Variants in BMPR1B observed in about 807,000 individuals in gnomAD.
BMPR1B encodes bone morphogenetic protein receptor type 1B.
In BMPR1B, 12 loss-of-function variants were observed where a neutral mutation model predicts 59.1. That is an observed-to-expected ratio of 0.20 (90% CI 0.13 to 0.33). The LOEUF (loss-of-function observed/expected upper bound fraction) is 0.33, where lower values mean the gene tolerates loss of function less well. Among genes scored for constraint, BMPR1B ranks in the 10% least tolerant of loss-of-function variants. The probability of loss-of-function intolerance (pLI) is 1.00; values close to 1 mark genes in which losing one functional copy is unlikely to be tolerated. For synonymous variants in BMPR1B, 237 were observed against 207.3 expected, an observed-to-expected ratio of 1.14 and a Z score of -1.23; for missense variants, 550 against 610.9, an observed-to-expected ratio of 0.90 and a Z score of 1.05.
At chr4:94,940,459 C>T (rs778503830) in intron 2 of BMPR1B, among the ~76,000 whole-genome samples, 43 of 152,104 alleles carry the variant, frequency 2.8e-4, no homozygotes, top group Non-Finnish European at 6.2e-4. Flanking sequence ...TGACACAGTC[C>T]TTGGGGATTA....
At chr4:94,799,026 T>G (rs1723296778) in intron 1 of BMPR1B, among the ~76,000 whole-genome samples, 1 of 151,186 alleles carries the variant, frequency 6.6e-6, no homozygotes, top group African/African-American at 2.4e-5. Context: ...ATCCCAGGAG[T>G]GCGTTAGTGT....
chr4:95,132,975 T>C (rs1304755025), intron 10 of BMPR1B, among the ~76,000 whole-genome samples: 1 of 152,176 alleles, frequency 6.6e-6, no homozygotes, highest in Non-Finnish European at 1.5e-5. Context: ...CTGGCTCTGC[T>C]CTCTTTTTAC....
At chr4:94,901,417 T>G (rs1727805009) in intron 2 of BMPR1B, among the ~76,000 whole-genome samples, 1 of 151,920 alleles carries the variant, frequency 6.6e-6, no homozygotes, top group South Asian at 2.1e-4. Flanking sequence ...CCTAAAATAT[T>G]GTTAGATCTT....
intron 2 of BMPR1B, among the ~76,000 whole-genome samples, chr4:94,968,634 G>T (rs1272342022): frequency 2.0e-5 from 3 of 152,072 alleles, no homozygotes; most frequent in Non-Finnish European, 4.4e-5. Flanking sequence ...ACTTTCCAAG[G>T]CAGGTGGCAG....
At chr4:95,110,746 G>A (rs1178034788) in intron 4 of BMPR1B, among the ~76,000 whole-genome samples, 1 of 152,118 alleles carries the variant, frequency 6.6e-6, no homozygotes, top group African/African-American at 2.4e-5. Context: ...GGTGGCCTTC[G>A]TAGACTATGA....
At chr4:94,806,609 AT>A (rs1340720402) in intron 1 of BMPR1B, among the ~76,000 whole-genome samples, 2 of 152,124 alleles carry the variant, frequency 1.3e-5, no homozygotes, top group East Asian at 3.9e-4. Flanking sequence ...TTTCCCTTTT[AT>A]TGTGTTACTG....
chr4:94,948,646 T>C (rs1232252527), intron 2 of BMPR1B, among the ~76,000 whole-genome samples: 1 of 152,204 alleles, frequency 6.6e-6, no homozygotes, highest in African/African-American at 2.4e-5. Flanking sequence ...GTTTCTCTTA[T>C]TGAACTGTAC....
intron 1 of BMPR1B, among the ~76,000 whole-genome samples, chr4:94,872,697 G>T (rs1234380744): frequency 2.0e-5 from 3 of 152,170 alleles, no homozygotes; most frequent in African/African-American, 7.2e-5. Flanking sequence ...CAGCCTGGGT[G>T]ACTGAGCTAG....
At chr4:95,147,359 G>A (rs1426329368) in intron 10 of BMPR1B, among the ~76,000 whole-genome samples, 1 of 152,160 alleles carries the variant, frequency 6.6e-6, no homozygotes, top group Admixed American at 6.5e-5. Context: ...ATGACACCAT[G>A]TATTTCATGT....
chr4:94,846,990 A>T (rs1349795488), intron 1 of BMPR1B, among the ~76,000 whole-genome samples: 1 of 152,198 alleles, frequency 6.6e-6, no homozygotes, highest in Non-Finnish European at 1.5e-5. Flanking sequence ...CTGTAAAAGA[A>T]AGTCAACAAA....
intron 3 of BMPR1B, among the ~76,000 whole-genome samples, chr4:95,033,843 T>C (rs1428770019): frequency 6.6e-6 from 1 of 152,096 alleles, no homozygotes; most frequent in Non-Finnish European, 1.5e-5. Context: ...TGAAAGACAG[T>C]CACTCCCTCC....
intron 2 of BMPR1B, among the ~76,000 whole-genome samples, chr4:94,981,261 T>C (rs1721068236): frequency 6.6e-6 from 1 of 151,922 alleles, no homozygotes; most frequent in Non-Finnish European, 1.5e-5. Context: ...TGGAGTGCAG[T>C]GGCGCAATCA....
chr4:94,962,685 T>C (rs1334708051), intron 2 of BMPR1B, among the ~76,000 whole-genome samples: 2 of 152,216 alleles, frequency 1.3e-5, no homozygotes, highest in African/African-American at 4.8e-5. Context: ...CTGAATAATA[T>C]TCCATTGTGT....
At chr4:94,889,168 T>C (rs1283888652) in intron 2 of BMPR1B, among the ~76,000 whole-genome samples, 1 of 152,072 alleles carries the variant, frequency 6.6e-6, no homozygotes, top group Admixed American at 6.6e-5. Context: ...ATTTTAACAA[T>C]GGCGATGTTT....
At chr4:95,068,384 C>T (rs1038607560) in intron 3 of BMPR1B, among the ~76,000 whole-genome samples, 2 of 152,252 alleles carry the variant, frequency 1.3e-5, no homozygotes, top group Admixed American at 1.3e-4. Flanking sequence ...GTGTGTACCA[C>T]GTCCAAATCC....
intron 10 of BMPR1B, among the ~76,000 whole-genome samples, chr4:95,133,265 C>T (rs1052076078): frequency 6.6e-6 from 1 of 152,188 alleles, no homozygotes; most frequent in Non-Finnish European, 1.5e-5. Flanking sequence ...CATGCTGCCA[C>T]TGAATTTATT....
intron 2 of BMPR1B, among the ~76,000 whole-genome samples, chr4:94,912,764 A>G (rs149579301): frequency 1.3e-5 from 2 of 152,120 alleles, no homozygotes; most frequent in Non-Finnish European, 2.9e-5. Context: ...TGATTCTGGT[A>G]TGTGCTCTTA....
intron 3 of BMPR1B, among the ~76,000 whole-genome samples, chr4:95,065,723 T>C (rs1220509932): frequency 6.6e-6 from 1 of 152,092 alleles, no homozygotes; most frequent in Non-Finnish European, 1.5e-5. Flanking sequence ...CCCTTTCAGC[T>C]TGAAACATGG....
chr4:94,850,413 A>C (rs1448534365), intron 1 of BMPR1B, among the ~76,000 whole-genome samples: 1 of 152,164 alleles, frequency 6.6e-6, no homozygotes, highest in Non-Finnish European at 1.5e-5. Flanking sequence ...AGGTAGCGTG[A>C]CTGCCTTATT....
Sources: gnomAD v4.1 joint callset for allele counts (sites outside exome capture counted in the v4.1 genomes callset) on GRCh38, gnomAD v4.1.1 for gene constraint, MANE v1.5 for transcripts, NCBI Gene and HGNC (gene_info 2026-07-23, HGNC 2026-07-21) for gene names.